Variants in EPHA7 observed in about 807,000 individuals in gnomAD.
EPHA7 encodes EPH receptor A7, also known as ephrin type-A receptor 7.
A neutral mutation model predicts 112.6 loss-of-function variants in EPHA7; 25 were observed. The ratio of observed to expected loss-of-function variants is 0.22; its 90% CI spans 0.16 to 0.31. The LOEUF (loss-of-function observed/expected upper bound fraction) is 0.31, where lower values mean the gene tolerates loss of function less well. Among genes scored for constraint, EPHA7 ranks in the 10% least tolerant of loss-of-function variants. The pLI, the probability that EPHA7 is intolerant of heterozygous loss-of-function variation, is 1.00. For synonymous variants in EPHA7, 437 were observed against 406.5 expected (o/e 1.07, Z -0.90); for missense variants, 962 against 1,212.6 (o/e 0.79, Z 3.07).
At position 93,271,911 on chromosome 6, in the gene EPHA7, C is replaced by G. The variant is rs548221757; in HGVS notation, c.1449+387G>C. On this transcript the variant is annotated intron_variant, in intron 6 of 16. Transcript: ENST00000369303. ...TTTGAGGTCATTATCATCACTGAAA[C>G]CACATAAATTAAACAAACCATTAAG... is the stretch of plus-strand genomic sequence containing the variant. Among the ~76,000 whole-genome samples, 15 of 151,734 alleles carry G rather than the reference C, an allele frequency of 9.9e-5. No individual in the cohort carries two copies. In the East Asian group the frequency reaches 2.9e-3, roughly 30 times the overall value.
chr6:93,292,070 T>C (rs1045321992), intron 5 of EPHA7, among the ~76,000 whole-genome samples: 7 of 152,080 alleles, frequency 4.6e-5, no homozygotes, highest in Non-Finnish European at 8.8e-5. Flanking sequence ...CTCATAAGCA[T>C]ATATAGTTAA....
chr6:93,257,015 A>G (rs1479147780), intron 12 of EPHA7, among the ~76,000 whole-genome samples: 2 of 152,126 alleles, frequency 1.3e-5, no homozygotes, highest in Non-Finnish European at 2.9e-5. Flanking sequence ...TTTGAAAAAT[A>G]ATGTTAATAG....
At chr6:93,405,801 GTGTGTGTGTGTGTATATATA>G (rs1217725118) in intron 3 of EPHA7, among the ~76,000 whole-genome samples, 173 of 64,376 alleles carry the variant, frequency 2.7e-3, no homozygotes, top group African/African-American at 6.3e-3. Flanking sequence ...GTGTGTGTGT[GTGTGTGTGTGTGTATATATA>G]TATATATATA....
chr6:93,340,625 A>G (rs1775092506), intron 5 of EPHA7, among the ~76,000 whole-genome samples: 1 of 151,886 alleles, frequency 6.6e-6, no homozygotes, highest in African/African-American at 2.4e-5. Flanking sequence ...AATAAGGGAC[A>G]CTCAACCTGT....
intron 3 of EPHA7, among the ~76,000 whole-genome samples, chr6:93,394,090 G>C (rs1778043456): frequency 1.3e-5 from 2 of 151,572 alleles, no homozygotes; most frequent in African/African-American, 2.4e-5. Flanking sequence ...ACAAACTATT[G>C]CAATTCTAAA....
chr6:93,293,778 A>G (rs1310439993), intron 5 of EPHA7, among the ~76,000 whole-genome samples: 1 of 152,176 alleles, frequency 6.6e-6, no homozygotes, highest in Non-Finnish European at 1.5e-5. Context: ...AGACATGTTT[A>G]TGTTCTCTGG....
At chr6:93,397,509 T>G (rs1778237433) in intron 3 of EPHA7, among the ~76,000 whole-genome samples, 1 of 151,922 alleles carries the variant, frequency 6.6e-6, no homozygotes, top group Non-Finnish European at 1.5e-5. Flanking sequence ...ATGCAATGTT[T>G]TTTAAGAATA....
intron 5 of EPHA7, among the ~76,000 whole-genome samples, chr6:93,350,132 T>C (rs1429165837): frequency 6.6e-6 from 1 of 151,972 alleles, no homozygotes; most frequent in Non-Finnish European, 1.5e-5. Flanking sequence ...AGGCTATTTT[T>C]AAAGTTTCTT....
intron 2 of EPHA7, among the ~76,000 whole-genome samples, chr6:93,412,016 CAG>C (rs1281021804): frequency 6.6e-6 from 1 of 151,954 alleles, no homozygotes; most frequent in African/African-American, 2.4e-5. Flanking sequence ...GTGCATTTGT[CAG>C]AATTTGCAAC....
intron 1 of EPHA7, among the ~76,000 whole-genome samples, chr6:93,418,655 C>G (rs923400094): frequency 6.6e-6 from 1 of 152,202 alleles, no homozygotes; most frequent in African/African-American, 2.4e-5. Context: ...GTTATTGTTC[C>G]GTGCTGGCGG....
intron 11 of EPHA7, among the ~76,000 whole-genome samples, chr6:93,257,869 C>A (rs1163347753): frequency 6.6e-6 from 1 of 151,884 alleles, no homozygotes; most frequent in Non-Finnish European, 1.5e-5. Flanking sequence ...TCAGTCATTC[C>A]ATCTATCAGA....
intron 3 of EPHA7, among the ~76,000 whole-genome samples, chr6:93,370,779 T>C (rs1239591505): frequency 1.3e-5 from 2 of 152,088 alleles, no homozygotes; most frequent in African/African-American, 2.4e-5. Context: ...TATGTACATA[T>C]ACTACTTTAC....
chr6:93,415,336 T>G (rs1779171710), intron 1 of EPHA7, among the ~76,000 whole-genome samples: 1 of 152,020 alleles, frequency 6.6e-6, no homozygotes. Flanking sequence ...GCCTATTATT[T>G]GCAAGATTTT....
chr6:93,334,084 G>C (rs1774737235), intron 5 of EPHA7, among the ~76,000 whole-genome samples: 2 of 151,840 alleles, frequency 1.3e-5, no homozygotes, highest in Admixed American at 1.3e-4. Flanking sequence ...ACAGAATAGA[G>C]AGCCCAGAAA....
intron 5 of EPHA7, among the ~76,000 whole-genome samples, chr6:93,303,446 A>C (rs151322542): frequency 6.6e-6 from 1 of 152,248 alleles, no homozygotes; most frequent in Non-Finnish European, 1.5e-5. Context: ...AATAAATAAA[A>C]TATATGCTCT....
Position 93,410,245 on chromosome 6 carries a change from T to G in EPHA7, c.832+256A>C. On this transcript the variant is annotated intron_variant, in intron 3 of 16. Coordinates refer to ENST00000369303, the MANE Select transcript of EPHA7 (RefSeq NM_004440.4). This position sits in a 1 kb window ranked among gnomAD's most constrained non-coding sequence, Gnocchi z 4.0. ...ACTCCATAGCCCAACGTGCAACTAT[T>G]GACTTCCATGTTAAGCATAGGACAC... 1 of 417,110 alleles carries G rather than the reference T, an allele frequency of 2.4e-6. No individual in the cohort carries two copies. The highest frequency in any genetic ancestry group is 3.8e-5 in the South Asian group (1 of 26,318). The allele number at this position is 417,110 out of a possible 1,614,324, so 25.8% of individuals were successfully genotyped here.
chr6:93,399,265 A>T (rs1010844289), intron 3 of EPHA7, among the ~76,000 whole-genome samples: 1 of 152,124 alleles, frequency 6.6e-6, no homozygotes, highest in Non-Finnish European at 1.5e-5. Context: ...AAAATACCAC[A>T]GAAACTTAGA....
intron 5 of EPHA7, among the ~76,000 whole-genome samples, chr6:93,335,075 ATTTG>A (rs887529546): frequency 9.9e-5 from 15 of 152,058 alleles, no homozygotes; most frequent in African/African-American, 3.6e-4. Flanking sequence ...ACCTTCGGCA[ATTTG>A]TTTAACTTCT....
chr6:93,386,774 G>T (rs550528148), intron 3 of EPHA7, among the ~76,000 whole-genome samples: 1 of 152,148 alleles, frequency 6.6e-6, no homozygotes, highest in Non-Finnish European at 1.5e-5. Context: ...CTGTGCACCT[G>T]CAGGACCAAC....
Sources: allele counts gnomAD v4.1 joint callset (sites outside exome capture counted in the v4.1 genomes callset), GRCh38; gene constraint gnomAD v4.1.1; non-coding constraint Gnocchi (gnomAD v3.1); transcripts MANE v1.5; gene names NCBI Gene and HGNC (gene_info 2026-07-23, HGNC 2026-07-21).